PGM1: variants seen among roughly 807,000 people sequenced by gnomAD.
PGM1 encodes phosphoglucomutase 1.
PGM1 carries 52 observed loss-of-function variants against 55.6 expected under a neutral mutation model. That is an observed-to-expected ratio of 0.94 (90% CI 0.75 to 1.18). PGM1 has a LOEUF of 1.18. Among genes scored for constraint, PGM1 ranks in the 50% most tolerant of loss-of-function variants. PGM1 has a pLI of 0.00. For synonymous variants in PGM1, 287 were observed against 271.7 expected (o/e 1.06, Z -0.55); for missense variants, 724 against 729.3 (o/e 0.99, Z 0.08).
chr1:63,620,542 C>A (rs913664979), intron 1 of PGM1, among the ~76,000 whole-genome samples: 1 of 152,166 alleles, frequency 6.6e-6, no homozygotes. Context: ...TTCAGGCCAG[C>A]CCTCACATGG....
intron 7 of PGM1, among the ~76,000 whole-genome samples, chr1:63,641,109 T>C (rs1458032697): frequency 6.6e-6 from 1 of 152,260 alleles, no homozygotes; most frequent in African/African-American, 2.4e-5. Flanking sequence ...GTTTGTGGAA[T>C]TGATTTCTTT....
At chr1:63,594,091 C>T in intron 1 of PGM1, 10 of 1,035,402 alleles carry the variant, frequency 9.7e-6, no homozygotes, top group Non-Finnish European at 1.0e-5. Context: ...CCTAACCTTG[C>T]AGCCTTGGAA....
intron 10 of PGM1, chr1:63,656,151 A>C (rs1336421451): frequency 6.6e-6 from 1 of 152,252 alleles, no homozygotes; most frequent in African/African-American, 2.4e-5. Context: ...AAGAAAACAT[A>C]CAAATGGCCA....
At position 63,634,855 on chromosome 1, in the gene PGM1, C is replaced by A. The variant is rs1165925260; in HGVS notation, c.709C>A (p.Leu237Ile). Residue 237 changes from leucine (L) to isoleucine (I), a missense_variant, in exon 5 of 11, where the codon CTC becomes ATC. By Grantham distance (5) the Leu-to-Ile change is conservative (BLOSUM62 2). Coordinates refer to ENST00000371084, the MANE Select transcript of PGM1 (RefSeq NM_002633.3). ...TGTGGGACCGTATGTAAAGAAGATCCTCTGTGAAGAACTCGGTGCCCCTGC... is the reference window on the plus strand; with the variant it reads ...TGTGGGACCGTATGTAAAGAAGATCATCTGTGAAGAACTCGGTGCCCCTGC... ...GVVGPYVKKILCEELGAPANS... is the reference protein window; with the variant it reads ...GVVGPYVKKIICEELGAPANS... The A allele has an allele frequency of 6.2e-7, 1 of 1,613,502 alleles. No homozygotes were observed. Among genetic ancestry groups the A allele is most frequent in the Admixed American group, 1.7e-5 (1 of 60,020 alleles).
intron 1 of PGM1, among the ~76,000 whole-genome samples, chr1:63,594,748 T>G (rs1190557405): frequency 2.7e-5 from 4 of 145,904 alleles, no homozygotes; most frequent in Admixed American, 2.1e-4. Context: ...TCGAGACCAT[T>G]CTGGCTAACA....
At chr1:63,626,493 T>G (rs1254590613) in intron 1 of PGM1, among the ~76,000 whole-genome samples, 1 of 152,184 alleles carries the variant, frequency 6.6e-6, no homozygotes, top group Non-Finnish European at 1.5e-5. Context: ...GCATCTGGCT[T>G]ATTTCACTTA....
chr1:63,648,769 T>A, intron 8 of PGM1, 117 bp downstream of exon 8: 1 of 1,087,540 alleles, frequency 9.2e-7, no homozygotes, highest in African/African-American at 1.5e-5. Context: ...TCATCCAGCC[T>A]CTCTCAATTG....
intron 1 of PGM1, among the ~76,000 whole-genome samples, chr1:63,594,621 A>T (rs1647986132): frequency 6.6e-6 from 1 of 151,944 alleles, no homozygotes; most frequent in South Asian, 2.1e-4. Flanking sequence ...AAATTAAAAA[A>T]AAAAAGTTTT....
intron 1 of PGM1, among the ~76,000 whole-genome samples, chr1:63,621,251 A>G (rs910329006): frequency 1.3e-5 from 2 of 151,930 alleles, no homozygotes; most frequent in African/African-American, 2.4e-5. Flanking sequence ...CTCAGAAAGA[A>G]CTTCACCGAG....
At chr1:63,613,310 A>G (rs917417357) in intron 1 of PGM1, among the ~76,000 whole-genome samples, 1 of 118,652 alleles carries the variant, frequency 8.4e-6, no homozygotes, top group African/African-American at 3.4e-5. Context: ...TAGGGCTGCT[A>G]TCTGCTGTAA....
chr1:63,621,241 C>T (rs985574564), intron 1 of PGM1, among the ~76,000 whole-genome samples: 1 of 151,778 alleles, frequency 6.6e-6, no homozygotes, highest in Non-Finnish European at 1.5e-5. Flanking sequence ...TAATTCTGCC[C>T]TCAGAAAGAA....
chr1:63,619,513 C>T (rs1570485050), intron 1 of PGM1, among the ~76,000 whole-genome samples: 1 of 152,192 alleles, frequency 6.6e-6, no homozygotes, highest in Admixed American at 6.5e-5. Flanking sequence ...ACCCTTTTTG[C>T]AAGCCTTGGT....
At chr1:63,616,789 C>A (rs888381227) in intron 1 of PGM1, among the ~76,000 whole-genome samples, 15 of 152,170 alleles carry the variant, frequency 9.9e-5, no homozygotes, top group Admixed American at 9.8e-4. Context: ...AGCCATCTGG[C>A]CCTTGTAATT....
intron 1 of PGM1, among the ~76,000 whole-genome samples, chr1:63,596,608 C>G (rs1261462467): frequency 6.6e-6 from 1 of 152,102 alleles, no homozygotes; most frequent in Non-Finnish European, 1.5e-5. Context: ...TTCACTCTCT[C>G]TACTCACTCG....
intron 1 of PGM1, among the ~76,000 whole-genome samples, chr1:63,606,680 G>A (rs759554957): frequency 2.6e-5 from 4 of 152,146 alleles, no homozygotes; most frequent in Admixed American, 6.5e-5. Flanking sequence ...TCTTATTCTG[G>A]GTGTCATCTG....
intron 10 of PGM1, among the ~76,000 whole-genome samples, chr1:63,656,654 A>G (rs901482490): frequency 2.6e-5 from 4 of 151,894 alleles, no homozygotes; most frequent in Non-Finnish European, 4.4e-5. Flanking sequence ...AAAAACCAAA[A>G]TCTTGCCAAT....
At chr1:63,636,583 C>T (rs1199364546) in intron 6 of PGM1, among the ~76,000 whole-genome samples, 195 bp downstream of exon 6, 1 of 152,148 alleles carries the variant, frequency 6.6e-6, no homozygotes, top group African/African-American at 2.4e-5. Context: ...TCCCTTGGCA[C>T]CCTGGGCCTC....
rs112937533 is a variant in PGM1 at position 63,640,240 on chromosome 1, C to T, written c.1144+1440C>T. 7.4e-4 allele frequency among the ~76,000 whole-genome samples: 113 copies of T among 152,234 alleles called. 2 individuals carry two copies. The highest frequency in any genetic ancestry group is 2.4e-3 in the African/African-American group (100 of 41,546). ...CAACTGTGTCAAAACCTTTGTTTTCCTGTTCTCCTGTACCAGTATCAGTGT... is the reference window on the plus strand; with the variant it reads ...CAACTGTGTCAAAACCTTTGTTTTCTTGTTCTCCTGTACCAGTATCAGTGT... On this transcript the variant is annotated intron_variant, in intron 7 of 10. Coordinates refer to ENST00000371084, the MANE Select transcript of PGM1 (RefSeq NM_002633.3).
chr1:63,650,058 A>G (rs1649765884), intron 8 of PGM1, among the ~76,000 whole-genome samples: 1 of 152,250 alleles, frequency 6.6e-6, no homozygotes, highest in Non-Finnish European at 1.5e-5. Flanking sequence ...TCCTCCATAT[A>G]AAAACTATTT....
Sources: allele counts gnomAD v4.1 joint callset (sites outside exome capture counted in the v4.1 genomes callset), GRCh38; gene constraint gnomAD v4.1.1; transcripts MANE v1.5; gene names NCBI Gene and HGNC (gene_info 2026-07-23, HGNC 2026-07-21).